Variants in ADGRG7 observed in about 807,000 individuals in gnomAD.
ADGRG7 encodes the protein adhesion G protein-coupled receptor G7, also known as G-protein coupled receptor 128.
A neutral mutation model predicts 88.6 loss-of-function variants in ADGRG7; 82 were observed. The observed-to-expected ratio is 0.93, with a 90% CI of 0.77 to 1.11. The LOEUF (loss-of-function observed/expected upper bound fraction) is 1.11, where lower values mean the gene tolerates loss of function less well. Ranked by LOEUF, ADGRG7 falls within the 50% of genes most tolerant of loss-of-function variation. The pLI is 0.00. For missense variants in ADGRG7, 945 were observed against 953.4 expected (o/e 0.99, Z 0.12); for synonymous variants, 381 against 345.2 (o/e 1.10, Z -1.15).
At chr3:100,626,511 G>A (rs1331802764) in intron 1 of ADGRG7, among the ~76,000 whole-genome samples, 1 of 152,132 alleles carries the variant, frequency 6.6e-6, no homozygotes, top group Non-Finnish European at 1.5e-5. Flanking sequence ...ACGGGGTCAG[G>A]CATGGTGGCT....
intron 14 of ADGRG7, among the ~76,000 whole-genome samples, chr3:100,660,703 A>G (rs965244444): frequency 1.9e-4 from 29 of 151,756 alleles, no homozygotes; most frequent in African/African-American, 7.0e-4. Context: ...CTGTAATCCC[A>G]GAACTTTGGG....
chr3:100,636,657 T>A (rs1559675132), intron 5 of ADGRG7, among the ~76,000 whole-genome samples: 1 of 152,094 alleles, frequency 6.6e-6, no homozygotes, highest in African/African-American at 2.4e-5. Flanking sequence ...AAAAAAAAAT[T>A]GAAATATTTT....
chr3:100,657,038 T>C (rs955779356), intron 13 of ADGRG7, among the ~76,000 whole-genome samples: 1 of 152,190 alleles, frequency 6.6e-6, no homozygotes, highest in Non-Finnish European at 1.5e-5. Context: ...CTAGACTCAC[T>C]CCTTTAAAAG....
In ADGRG7 at chr3:100,689,331, A is replaced by C. The variant is rs2094988998; in HGVS notation, c.2137-5413A>C. ...ACTGATGGGTCTTGACTCTTTATCCAATTTGCCAGTCTGTGTCTTTTAATT... is the reference window on the plus strand; with the variant it reads ...ACTGATGGGTCTTGACTCTTTATCCCATTTGCCAGTCTGTGTCTTTTAATT... On this transcript the variant is annotated intron_variant, in intron 15 of 15. Coordinates refer to ENST00000273352, the MANE Select transcript of ADGRG7 (RefSeq NM_032787.3). Among the ~76,000 whole-genome samples the C allele has an allele frequency of 1.3e-5, 2 of 152,170 alleles. 1 individual carries two copies. The highest frequency in any genetic ancestry group is 1.3e-4 in the Admixed American group (2 of 15,280).
chr3:100,612,810 G>C (rs1236172582), intron 1 of ADGRG7, among the ~76,000 whole-genome samples: 1 of 152,130 alleles, frequency 6.6e-6, no homozygotes, highest in African/African-American at 2.4e-5. Flanking sequence ...CTGTTCTTCA[G>C]TCCTGCAAGA....
In ADGRG7 at chr3:100,680,589, T is replaced by G. The variant is rs1440975678; in HGVS notation, c.2136+11484T>G. Among the ~76,000 whole-genome samples the G allele has an allele frequency of 2.0e-5, 3 of 152,166 alleles. No homozygotes were observed. The East Asian group carries it at 5.8e-4, about 29-fold the overall frequency. ...ATGTTATTAGGGTTCTAATTTTAAT[T>G]TATACTTCAATTATTAAGCAATACT... On this transcript the variant is annotated intron_variant, in intron 15 of 15. Transcript: ENST00000273352.
chr3:100,647,350 T>A (rs1348102051), intron 10 of ADGRG7, among the ~76,000 whole-genome samples: 1 of 152,216 alleles, frequency 6.6e-6, no homozygotes, highest in Non-Finnish European at 1.5e-5. Flanking sequence ...AAAGTTGTTA[T>A]AGCCAGAGGT....
chr3:100,610,873 T>C (rs982726932), intron 1 of ADGRG7, among the ~76,000 whole-genome samples: 5 of 152,056 alleles, frequency 3.3e-5, no homozygotes, highest in Non-Finnish European at 5.9e-5. Context: ...GACAGAAGGT[T>C]GGGGAGCTAG....
chr3:100,651,913 T>C (rs1184745691), intron 11 of ADGRG7, among the ~76,000 whole-genome samples: 4 of 152,128 alleles, frequency 2.6e-5, no homozygotes, highest in African/African-American at 7.2e-5. Flanking sequence ...TATGATAGGG[T>C]TATGTCCCAA....
chr3:100,686,246 T>C (rs1371534358), intron 15 of ADGRG7, among the ~76,000 whole-genome samples: 7 of 152,182 alleles, frequency 4.6e-5, no homozygotes, highest in Non-Finnish European at 1.0e-4. Context: ...TGTAAATTTG[T>C]TTGAGTTCAT....
intron 6 of ADGRG7, among the ~76,000 whole-genome samples, chr3:100,639,070 A>G (rs1707595886): frequency 6.7e-6 from 1 of 148,450 alleles, no homozygotes; most frequent in African/African-American, 2.5e-5. Context: ...GTATATGTAT[A>G]TTACATACTA....
chr3:100,615,386 A>G (rs1474725471), intron 1 of ADGRG7, among the ~76,000 whole-genome samples: 1 of 152,218 alleles, frequency 6.6e-6, no homozygotes, highest in African/African-American at 2.4e-5. Flanking sequence ...TAGGTATTTC[A>G]GAGGCTAGAG....
At chr3:100,621,245 G>T (rs921222797) in intron 1 of ADGRG7, among the ~76,000 whole-genome samples, 2 of 152,092 alleles carry the variant, frequency 1.3e-5, no homozygotes, top group African/African-American at 4.8e-5. Context: ...GAAAGGAAGA[G>T]TTGCATGTCT....
intron 6 of ADGRG7, among the ~76,000 whole-genome samples, chr3:100,641,555 C>G (rs917457205): frequency 1.3e-5 from 2 of 152,220 alleles, no homozygotes; most frequent in African/African-American, 2.4e-5. Flanking sequence ...AGAACAAGAA[C>G]AATGAGGAAG....
chr3:100,673,973 A>T (rs569175700), intron 15 of ADGRG7, among the ~76,000 whole-genome samples: 1 of 152,008 alleles, frequency 6.6e-6, no homozygotes, highest in East Asian at 1.9e-4. Context: ...TTTAATTTTG[A>T]TGTTACAGTG....
rs142708641 is a variant in ADGRG7 at position 100,635,168 on chromosome 3, C to T, written c.448-509C>T. 5.4e-3 allele frequency among the ~76,000 whole-genome samples: 826 copies of T among 152,020 alleles called. 7 individuals are homozygous for T. Among genetic ancestry groups the T allele is most frequent in the African/African-American group, 0.019 (794 of 41,372 alleles). ...ATCTCGGCCAGTGCCTTCCAAACTA[C>T]CAGTGCTGAAAAGCCAGTTCAAAAA... On this transcript the variant is annotated intron_variant, in intron 4 of 15. Coordinates refer to ENST00000273352, the MANE Select transcript of ADGRG7 (RefSeq NM_032787.3).
At chr3:100,611,368 C>T (rs977527734) in intron 1 of ADGRG7, among the ~76,000 whole-genome samples, 5 of 149,082 alleles carry the variant, frequency 3.4e-5, no homozygotes, top group South Asian at 2.1e-4. Flanking sequence ...TTTATGTAAG[C>T]GACATCTATT....
chr3:100,678,650 C>G (rs1185006723), intron 15 of ADGRG7, among the ~76,000 whole-genome samples: 1 of 152,226 alleles, frequency 6.6e-6, no homozygotes, highest in Non-Finnish European at 1.5e-5. Flanking sequence ...GCAGCCATAT[C>G]TGCTTTAGGG....
intron 11 of ADGRG7, among the ~76,000 whole-genome samples, chr3:100,651,078 C>G (rs1180276878): frequency 6.6e-6 from 1 of 152,188 alleles, no homozygotes; most frequent in African/African-American, 2.4e-5. Context: ...GAATTGTTTT[C>G]GATTCCTTTT....
Sources: gnomAD v4.1 joint callset for allele counts (sites outside exome capture counted in the v4.1 genomes callset) on GRCh38, gnomAD v4.1.1 for gene constraint, MANE v1.5 for transcripts, NCBI Gene and HGNC (gene_info 2026-07-23, HGNC 2026-07-21) for gene names.